The following ESR1 variants were observed in gnomAD, a reference collection of about 807,000 sequenced individuals.
ESR1 encodes the protein estrogen receptor.
In ESR1, 12 loss-of-function variants were observed where a neutral mutation model predicts 52.7. The ratio of observed to expected loss-of-function variants is 0.23; its 90% CI spans 0.15 to 0.37. ESR1 has a LOEUF of 0.37. Ranked by LOEUF, ESR1 falls within the 10% of genes least tolerant of loss-of-function variation. The pLI, the probability that ESR1 is intolerant of heterozygous loss-of-function variation, is 1.00. For synonymous variants in ESR1, 305 were observed against 316.8 expected (o/e 0.96, Z 0.39); for missense variants, 584 against 779.7 (o/e 0.75, Z 2.99).
In ESR1 at chr6:151,972,436, T is replaced by A. The variant is rs139501689; in HGVS notation, c.1096+27928T>A. On this transcript the variant is annotated intron_variant, in intron 4 of 7. Coordinates refer to ENST00000206249, the MANE Select transcript of ESR1 (RefSeq NM_000125.4). Reference sequence around the variant, plus strand: ...CTAGCTAAGTGAATCCAACAGCATATCAGAAAGATAATCAACTATGATCAG... The same window carrying A: ...CTAGCTAAGTGAATCCAACAGCATAACAGAAAGATAATCAACTATGATCAG... Among the ~76,000 whole-genome samples, 533 of 152,190 alleles carry A rather than the reference T, an allele frequency of 3.5e-3. 2 individuals are homozygous for A. Among genetic ancestry groups the A allele is most frequent in the Middle Eastern group, 6.8e-3 (2 of 294 alleles).
At chr6:151,774,328 G>A (rs1282197477) in intron 2 of ESR1, among the ~76,000 whole-genome samples, 1 of 152,220 alleles carries the variant, frequency 6.6e-6, no homozygotes, top group Admixed American at 6.5e-5. Flanking sequence ...GGGAGTTCGG[G>A]AACAAATGGT....
intron 4 of ESR1, among the ~76,000 whole-genome samples, chr6:151,949,594 C>T (rs2036102278): frequency 6.6e-6 from 1 of 152,188 alleles, no homozygotes; most frequent in Admixed American, 6.5e-5. Flanking sequence ...ATAATAAGAG[C>T]CTTAGGATTG....
At chr6:151,897,013 T>C (rs1795634591) in intron 3 of ESR1, among the ~76,000 whole-genome samples, 1 of 152,228 alleles carries the variant, frequency 6.6e-6, no homozygotes, top group Non-Finnish European at 1.5e-5. Context: ...TGGAGTCGAT[T>C]TCCAGTTTTA....
chr6:151,779,899 C>CAAA (rs1192077755), intron 2 of ESR1, among the ~76,000 whole-genome samples: 3 of 44,670 alleles, frequency 6.7e-5, no homozygotes, highest in Non-Finnish European at 9.5e-5. Flanking sequence ...GACTCCGTCT[C>CAAA]AAAAAAAAAA....
chr6:151,762,140 T>G (rs1222509041), intron 2 of ESR1, among the ~76,000 whole-genome samples: 1 of 152,204 alleles, frequency 6.6e-6, no homozygotes, highest in East Asian at 1.9e-4. Flanking sequence ...TTGACAACAC[T>G]TCTAACACCG....
At chr6:151,765,973 T>A (rs755046383) in intron 2 of ESR1, among the ~76,000 whole-genome samples, 2 of 152,208 alleles carry the variant, frequency 1.3e-5, no homozygotes, top group Non-Finnish European at 2.9e-5. Flanking sequence ...CTTTTCAAAG[T>A]AGATGAGAGA....
At chr6:151,693,967 C>T (rs1266875484) in intron 1 of ESR1, among the ~76,000 whole-genome samples, 1 of 152,186 alleles carries the variant, frequency 6.6e-6, no homozygotes, top group Non-Finnish European at 1.5e-5. Context: ...GAGATAGTCT[C>T]TCCCACTCTG....
At chr6:151,839,244 G>A (rs1783882145) in intron 1 of ESR1, among the ~76,000 whole-genome samples, 1 of 152,194 alleles carries the variant, frequency 6.6e-6, no homozygotes, top group African/African-American at 2.4e-5. Context: ...ATGGGGATTA[G>A]GAGTGGCTGG....
At chr6:151,876,602 G>A (rs1296950829) in intron 2 of ESR1, among the ~76,000 whole-genome samples, 1 of 152,136 alleles carries the variant, frequency 6.6e-6, no homozygotes. Flanking sequence ...AATCAGAAGA[G>A]AAGGAAAAAG....
At chr6:151,696,485 A>AATAT (rs1230833813) in intron 1 of ESR1, among the ~76,000 whole-genome samples, 2 of 147,788 alleles carry the variant, frequency 1.4e-5, no homozygotes, top group African/African-American at 5.0e-5. Context: ...TAAATAAATA[A>AATAT]ATAAATAAAT....
chr6:151,882,926 T>A (rs906623492), intron 3 of ESR1, among the ~76,000 whole-genome samples: 4 of 152,214 alleles, frequency 2.6e-5, no homozygotes, highest in African/African-American at 9.6e-5. Context: ...CACAACAGAC[T>A]GTGGATGGCT....
At chr6:151,896,074 C>T (rs1366536460) in intron 3 of ESR1, among the ~76,000 whole-genome samples, 1 of 152,234 alleles carries the variant, frequency 6.6e-6, no homozygotes, top group Non-Finnish European at 1.5e-5. Context: ...GTTGGGATTA[C>T]AGGCGTGAGC....
chr6:151,669,304 T>C (rs11966484), intron 1 of ESR1, among the ~76,000 whole-genome samples: 2,637 of 150,792 alleles, frequency 0.017, 81 homozygotes, highest in African/African-American at 0.061. Flanking sequence ...AGGGGTTAAA[T>C]GTGAGCTTCT....
At chr6:151,923,422 C>A (rs1328285017) in intron 3 of ESR1, among the ~76,000 whole-genome samples, 1 of 152,112 alleles carries the variant, frequency 6.6e-6, no homozygotes, top group Non-Finnish European at 1.5e-5. Context: ...AGAATAGTTT[C>A]TATCGCTGTA....
intron 6 of ESR1, among the ~76,000 whole-genome samples, chr6:152,071,523 TAGC>T (rs1259963541): frequency 1.3e-5 from 2 of 152,188 alleles, no homozygotes; most frequent in Non-Finnish European, 2.9e-5. Flanking sequence ...GAGATTATAA[TAGC>T]GTCTACCTCA....
At chr6:151,960,763 T>A (rs998237843) in intron 4 of ESR1, among the ~76,000 whole-genome samples, 6 of 152,122 alleles carry the variant, frequency 3.9e-5, no homozygotes, top group Non-Finnish European at 8.8e-5. Context: ...GGCCAAAGAT[T>A]GAGGCAGGGA....
At chr6:152,110,629 C>T (rs1371950129) in intron 6 of ESR1, among the ~76,000 whole-genome samples, 1 of 152,126 alleles carries the variant, frequency 6.6e-6, no homozygotes, top group Non-Finnish European at 1.5e-5. Flanking sequence ...ACCCCCATGA[C>T]ACACATTTAC....
At chr6:151,987,243 A>G (rs888881581) in intron 4 of ESR1, among the ~76,000 whole-genome samples, 8 of 151,934 alleles carry the variant, frequency 5.3e-5, no homozygotes, top group African/African-American at 1.5e-4. Flanking sequence ...TCAGGAATTC[A>G]CCAAAGTCTT....
chr6:151,769,631 G>A (rs777507932), intron 2 of ESR1, among the ~76,000 whole-genome samples: 6 of 152,220 alleles, frequency 3.9e-5, no homozygotes, highest in Non-Finnish European at 5.9e-5. Context: ...ACACTAGCAG[G>A]AAGATAGACT....
Sources: gnomAD v4.1 joint callset for allele counts (sites outside exome capture counted in the v4.1 genomes callset) on GRCh38, gnomAD v4.1.1 for gene constraint, MANE v1.5 for transcripts, NCBI Gene and HGNC (gene_info 2026-07-23, HGNC 2026-07-21) for gene names.